The following DISP3 variants were observed in gnomAD, a reference collection of about 807,000 sequenced individuals.
DISP3 encodes protein dispatched homolog 3.
Under a neutral mutation model 135.3 loss-of-function variants are expected in DISP3, and 101 were observed. The observed-to-expected ratio is 0.75, with a 90% CI of 0.64 to 0.88. The LOEUF (loss-of-function observed/expected upper bound fraction) is 0.88, where lower values mean the gene tolerates loss of function less well. Ranked by LOEUF, DISP3 falls within the 40% of genes least tolerant of loss-of-function variation. The pLI, the probability that DISP3 is intolerant of heterozygous loss-of-function variation, is 0.00. For missense variants in DISP3, 1,713 were observed against 1,878.6 expected, an observed-to-expected ratio of 0.91 and a Z score of 1.63; for synonymous variants, 856 against 817.0, an observed-to-expected ratio of 1.05 and a Z score of -0.81.
chr1:11,482,671 C>T (rs1640933498), intron 1 of DISP3, among the ~76,000 whole-genome samples: 2 of 152,112 alleles, frequency 1.3e-5, no homozygotes, highest in South Asian at 4.2e-4. Flanking sequence ...TTCCCTTCCC[C>T]CTCTTTGAAA....
chr1:11,529,732 G>C lies in DISP3; in HGVS notation c.2929+46G>C. On this transcript the variant is annotated intron_variant, in intron 14 of 20. Transcript: ENST00000294484. The surrounding 1 kb of genome is among the most constrained non-coding windows in gnomAD (Gnocchi z 4.7). ...TGGGGACCTCAAGAGCTGAGACCTC[G>C]GGGCTCAGGAGCTGGACCCTGCCTT... 3 of 1,600,106 alleles carry C rather than the reference G, an allele frequency of 1.9e-6. No homozygotes were observed. The highest frequency in any genetic ancestry group is 2.6e-6 in the Non-Finnish European group (3 of 1,169,542).
chr1:11,481,436 C>CTAGCCATGAGATCTGG (rs1640902003), intron 1 of DISP3: 1 of 152,214 alleles, frequency 6.6e-6, no homozygotes, highest in South Asian at 2.1e-4. Context: ...CGAGATCTGG[C>CTAGCCATGAGATCTGG]TAGCCATGAG....
Position 11,523,947 on chromosome 1 carries a change from T to C in DISP3, c.2368T>C (p.Phe790Leu). 1 of 1,612,128 alleles carries C rather than the reference T, an allele frequency of 6.2e-7. No homozygotes were observed. Among genetic ancestry groups the C allele is most frequent in the Non-Finnish European group, 8.5e-7 (1 of 1,179,090 alleles). Residue 790 changes from phenylalanine to leucine, a missense_variant, in exon 11 of 21, where the codon TTC becomes CTC. Phe to Leu is a conservative substitution (Grantham distance 22). Coordinates refer to ENST00000294484, the MANE Select transcript of DISP3 (RefSeq NM_020780.2). ...GISCITCSGL[F>L]QEKPHSLQNN... ...GACATGGCGCTGGGGGGCAGGTCTG[T>C]TCCAGGAGAAGCCCCACAGCCTGCA... is the stretch of plus-strand genomic sequence containing the variant.
intron 20 of DISP3, 24 bp downstream of exon 20, chr1:11,535,668 C>G: frequency 6.3e-7 from 1 of 1,597,138 alleles, no homozygotes; most frequent in Non-Finnish European, 8.5e-7. Flanking sequence ...CCGCCTTACC[C>G]ACTTCCCACC....
In DISP3 at chr1:11,493,288, A is replaced by G. The variant is rs542686961; in HGVS notation, c.-3-7702A>G. ...ATATTTCAGCTTGAGTCCAAAGGCC[A>G]GAAAAGACCAATGTCCAAGCTCTAG... On this transcript the variant is annotated intron_variant, in intron 1 of 20. Coordinates refer to ENST00000294484, the MANE Select transcript of DISP3 (RefSeq NM_020780.2). Among the ~76,000 whole-genome samples, 11 of 152,364 alleles carry G rather than the reference A, an allele frequency of 7.2e-5. 1 individual carries two copies. In the South Asian group the frequency reaches 2.3e-3, roughly 32 times the overall value.
At position 11,514,506 on chromosome 1, in the gene DISP3, A is replaced by G; in HGVS notation, c.1433A>G (p.Tyr478Cys). The G allele has an allele frequency of 6.2e-7, 1 of 1,614,100 alleles. No homozygotes were observed. The highest frequency in any genetic ancestry group is 8.5e-7 in the Non-Finnish European group (1 of 1,179,974). Residue 478 changes from tyrosine (Y) to cysteine (C), a missense_variant, in exon 4 of 21, where the codon TAC becomes TGC. Around this residue, in one of 2 missense-constraint regions of DISP3, gnomAD observed 1,142 missense variants for 1,384.6 expected, o/e 0.82. Transcript: ENST00000294484. ...AGCAGCTGCATTGCTGCCCTGGTCT[A>G]CATCCTCACCTCCTGCTCAGGTAGG... ...ISSSCIAALV[Y>C]ILTSCSVFLS...
At chr1:11,510,044 A>T (rs1373152188) in intron 3 of DISP3, among the ~76,000 whole-genome samples, 1 of 152,158 alleles carries the variant, frequency 6.6e-6, no homozygotes, top group Non-Finnish European at 1.5e-5. Context: ...GCTTTCAGTG[A>T]GCTGAGATCG....
chr1:11,530,036 C>T, intron 15 of DISP3, 77 bp downstream of exon 15: 2 of 1,547,214 alleles, frequency 1.3e-6, no homozygotes, highest in Non-Finnish European at 1.7e-6. Flanking sequence ...TCCAGGGAAC[C>T]ATGTCCAGCT....
intron 3 of DISP3, among the ~76,000 whole-genome samples, chr1:11,512,970 A>G (rs182035322): frequency 6.6e-5 from 10 of 152,294 alleles, no homozygotes; most frequent in African/African-American, 1.9e-4. Context: ...CTTATTCACT[A>G]TCATGAATAA....
At position 11,519,525 on chromosome 1, in the gene DISP3, C is replaced by T. The variant is rs762671556; in HGVS notation, c.2038+22C>T. On this transcript the variant is annotated intron_variant, in intron 8 of 20. Transcript: ENST00000294484. The surrounding 1 kb of genome is among the most constrained non-coding windows in gnomAD (Gnocchi z 4.3). ...CCAGGTGAGAGCTGGCACAGGCCTG[C>T]CCTACTGACCCCAGTGAGACCCAGC... The T allele has an allele frequency of 6.2e-7, 1 of 1,611,826 alleles. No individual in the cohort carries two copies. Among genetic ancestry groups the T allele is most frequent in the East Asian group, 2.2e-5 (1 of 44,856 alleles).
At chr1:11,522,728 G>A (rs369762842) in intron 10 of DISP3, among the ~76,000 whole-genome samples, 653 of 25,362 alleles carry the variant, frequency 0.026, 2 homozygotes, top group Admixed American at 0.05. Context: ...CCCAGCCAGG[G>A]CCCAGCCAGG....
rs1357932671 is a variant in DISP3 at position 11,502,893 on chromosome 1, A to G, written c.1312A>G (p.Thr438Ala). ...TYVAMLAKQSTSKVQVLYGGT... is the reference protein window; with the variant it reads ...TYVAMLAKQSASKVQVLYGGT... ...CGTGGCCATGCTGGCCAAGCAGTCT[A>G]CCAGGTAGGAAGTCCAGCTGCATCC... The change falls in exon 3 of 21, where the codon ACC becomes GCC. Residue 438 changes from threonine (T) to alanine (A), a missense_variant. By Grantham distance (58) the Thr-to-Ala change is moderately conservative. This residue lies in a region of DISP3 where 1,142 missense variants were observed against 1,384.6 expected (regional missense o/e 0.82). Transcript: ENST00000294484. The G allele has an allele frequency of 1.2e-6, 2 of 1,611,412 alleles. No individual in the cohort carries two copies. The highest frequency in any genetic ancestry group is 2.2e-5 in the East Asian group (1 of 44,858).
intron 3 of DISP3, among the ~76,000 whole-genome samples, chr1:11,507,071 G>T (rs926830201): frequency 1.3e-5 from 2 of 152,170 alleles, no homozygotes; most frequent in Non-Finnish European, 2.9e-5. Context: ...GCCTCTCAAA[G>T]TGTGACTTTT....
At chr1:11,515,598 G>A (rs990822588) in intron 5 of DISP3, 95 bp downstream of exon 5, 2 of 1,491,268 alleles carry the variant, frequency 1.3e-6, no homozygotes, top group Non-Finnish European at 9.0e-7. Flanking sequence ...CTTCCCTGGG[G>A]GCTCTACACA....
intron 17 of DISP3, chr1:11,533,795 T>G: frequency 1.4e-6 from 1 of 717,772 alleles, no homozygotes; most frequent in Non-Finnish European, 2.6e-6. Flanking sequence ...GCAGAATTGA[T>G]GAGCAGATAC....
chr1:11,511,833 T>C (rs1044868630), intron 3 of DISP3, among the ~76,000 whole-genome samples: 5 of 152,208 alleles, frequency 3.3e-5, no homozygotes, highest in African/African-American at 1.2e-4. Context: ...CAAACTTTTG[T>C]GTGGGCATTC....
chr1:11,485,189 A>G (rs890470389), intron 1 of DISP3, among the ~76,000 whole-genome samples: 1 of 152,092 alleles, frequency 6.6e-6, no homozygotes, highest in Non-Finnish European at 1.5e-5. Flanking sequence ...CCACAGTAGA[A>G]GAGGGACCCA....
At chr1:11,517,686 A>G in intron 7 of DISP3, 84 bp downstream of exon 7, 1 of 1,519,976 alleles carries the variant, frequency 6.6e-7, no homozygotes, top group Non-Finnish European at 8.9e-7. Context: ...CTCTCTTCCA[A>G]AAGCCTTCTG....
rs1052976589 is a variant in DISP3 at position 11,520,017 on chromosome 1, C to T, written c.2200+137C>T. 1.6e-5 allele frequency: 13 copies of T among 813,406 alleles called. No individual in the cohort carries two copies. Among genetic ancestry groups the T allele is most frequent in the African/African-American group, 6.9e-5 (4 of 57,786 alleles). The allele number at this position is 813,406 out of a possible 1,614,324, so 50.4% of individuals were successfully genotyped here. ...GGGGTCTCTCCCTCTCTGACCCCCC[C>T]TCTTTCCTGTGCAGAATGAAGCCGG... On this transcript the variant is annotated intron_variant, in intron 9 of 20. Transcript: ENST00000294484. This position sits in a 1 kb window ranked among gnomAD's most constrained non-coding sequence, Gnocchi z 4.8.
Sources: allele counts gnomAD v4.1 joint callset (sites outside exome capture counted in the v4.1 genomes callset), GRCh38; gene constraint gnomAD v4.1.1; regional missense constraint gnomAD v4.1.1; non-coding constraint Gnocchi (gnomAD v3.1); transcripts MANE v1.5; gene names NCBI Gene and HGNC (gene_info 2026-07-23, HGNC 2026-07-21).